KHDRBS2: variants seen among roughly 807,000 people sequenced by gnomAD.
KHDRBS2 encodes KH RNA binding domain containing, signal transduction associated 2, also known as KH domain-containing, RNA-binding, signal transduction-associated protein 2.
A neutral mutation model predicts 44.3 loss-of-function variants in KHDRBS2; 26 were observed. The observed-to-expected ratio is 0.59, with a 90% confidence interval of 0.43 to 0.81. The LOEUF (loss-of-function observed/expected upper bound fraction) is 0.81, where lower values mean the gene tolerates loss of function less well. Among genes scored for constraint, KHDRBS2 ranks in the 40% least tolerant of loss-of-function variants. The pLI is 0.00. For missense variants in KHDRBS2, 476 were observed against 433.1 expected (o/e 1.10, Z -0.88); for synonymous variants, 194 against 151.1 (o/e 1.28, Z -2.08).
chr6:61,679,331 C>T (rs1766115774), downstream of KHDRBS2, among the ~76,000 whole-genome samples: 1 of 151,842 alleles, frequency 6.6e-6, no homozygotes, highest in Admixed American at 6.6e-5. Flanking sequence ...TATATAATGT[C>T]AAATAATTTT....
chr6:61,992,049 G>A (rs1009241756), intron 3 of KHDRBS2, among the ~76,000 whole-genome samples: 1 of 152,174 alleles, frequency 6.6e-6, no homozygotes, highest in Non-Finnish European at 1.5e-5. Context: ...CTAGAATATA[G>A]CTGGTATCAG....
chr6:62,225,234 C>G (rs1333299618), intron 1 of KHDRBS2, among the ~76,000 whole-genome samples: 9 of 152,144 alleles, frequency 5.9e-5, no homozygotes, highest in Admixed American at 2.0e-4. Flanking sequence ...GGAGGGTTCA[C>G]TTATCCCACT....
intron 6 of KHDRBS2, among the ~76,000 whole-genome samples, chr6:61,885,953 T>G (rs1800886801): frequency 6.6e-6 from 1 of 152,074 alleles, no homozygotes; most frequent in African/African-American, 2.4e-5. Context: ...TTCTTACTCC[T>G]CCCAAATGCA....
chr6:61,816,828 A>G (rs1582989250), intron 6 of KHDRBS2: 3 of 390,030 alleles, frequency 7.7e-6, no homozygotes, highest in Non-Finnish European at 1.5e-5. Context: ...TTAATATTTT[A>G]GTGTGAAAAA....
chr6:61,788,780 T>C (rs1784200113), intron 6 of KHDRBS2, among the ~76,000 whole-genome samples: 1 of 151,202 alleles, frequency 6.6e-6, no homozygotes, highest in African/African-American at 2.4e-5. Flanking sequence ...ATAAAGAATA[T>C]GCCATTCCTA....
chr6:61,631,913 G>A, the KHDRBS2 span, among the ~76,000 whole-genome samples: 1 of 152,076 alleles, frequency 6.6e-6, no homozygotes, highest in Non-Finnish European at 1.5e-5. Flanking sequence ...CAATCCGCAA[G>A]AGCATCCAAC....
At chr6:61,822,276 C>A (rs1384686317) in intron 6 of KHDRBS2, among the ~76,000 whole-genome samples, 1 of 151,986 alleles carries the variant, frequency 6.6e-6, no homozygotes, top group East Asian at 1.9e-4. Context: ...TGTAGCCTAT[C>A]CCAGCAAATT....
intron 6 of KHDRBS2, among the ~76,000 whole-genome samples, chr6:61,808,683 AT>A (rs1431001553): frequency 1.3e-5 from 2 of 152,128 alleles, no homozygotes; most frequent in Non-Finnish European, 2.9e-5. Context: ...TACAGTCTTC[AT>A]TTCTGTATTT....
At chr6:62,115,654 C>T (rs1243584662) in intron 2 of KHDRBS2, among the ~76,000 whole-genome samples, 2 of 152,102 alleles carry the variant, frequency 1.3e-5, no homozygotes, top group East Asian at 3.9e-4. Flanking sequence ...TTTGGAAAAC[C>T]CAGAGACTAT....
At chr6:62,012,702 T>A (rs1780524340) in intron 3 of KHDRBS2, among the ~76,000 whole-genome samples, 1 of 152,136 alleles carries the variant, frequency 6.6e-6, no homozygotes, top group Non-Finnish European at 1.5e-5. Context: ...TGGCTTTTTG[T>A]GATTCAGCTT....
intron 6 of KHDRBS2, among the ~76,000 whole-genome samples, chr6:61,819,274 T>A (rs1789494263): frequency 6.6e-6 from 1 of 151,960 alleles, no homozygotes; most frequent in Non-Finnish European, 1.5e-5. Context: ...ATTCAGGAAA[T>A]AATTTTTACA....
chr6:61,932,059 T>C (rs920591351), intron 4 of KHDRBS2, among the ~76,000 whole-genome samples: 2 of 152,200 alleles, frequency 1.3e-5, no homozygotes, highest in African/African-American at 4.8e-5. Flanking sequence ...AATGTGTCAA[T>C]TGACATTTTT....
chr6:62,213,805 C>T (rs1285409832), intron 1 of KHDRBS2, among the ~76,000 whole-genome samples: 8 of 126,488 alleles, frequency 6.3e-5, no homozygotes, highest in Admixed American at 2.0e-4. Context: ...ACCCAGGAGG[C>T]GGAGCTTGCA....
chr6:61,562,991 C>T, the KHDRBS2 span, among the ~76,000 whole-genome samples: 1 of 152,064 alleles, frequency 6.6e-6, no homozygotes, highest in Non-Finnish European at 1.5e-5. Flanking sequence ...ATTACCTGTG[C>T]AGAACATACT....
chr6:61,899,510 T>A (rs966204721), intron 5 of KHDRBS2, among the ~76,000 whole-genome samples: 1 of 151,902 alleles, frequency 6.6e-6, no homozygotes, highest in Non-Finnish European at 1.5e-5. Context: ...AAATTTTTCT[T>A]CTAAGAAGAT....
At chr6:61,590,084 G>A in the KHDRBS2 span, among the ~76,000 whole-genome samples, 1 of 152,072 alleles carries the variant, frequency 6.6e-6, no homozygotes, top group African/African-American at 2.4e-5. Context: ...ATTAGATGAG[G>A]AAGCTCAATA....
chr6:61,557,164 G>T, the KHDRBS2 span, among the ~76,000 whole-genome samples: 1 of 152,056 alleles, frequency 6.6e-6, no homozygotes, highest in Non-Finnish European at 1.5e-5. Context: ...TCACACTAGT[G>T]CACCAGCACA....
chr6:61,723,911 C>A (rs1353329349), intron 7 of KHDRBS2, among the ~76,000 whole-genome samples: 1 of 152,156 alleles, frequency 6.6e-6, no homozygotes, highest in Non-Finnish European at 1.5e-5. Context: ...TCCAGAAGAA[C>A]TTCCCCAACC....
intron 1 of KHDRBS2, among the ~76,000 whole-genome samples, chr6:62,263,531 T>A (rs1838708691): frequency 6.6e-6 from 1 of 151,742 alleles, no homozygotes; most frequent in African/African-American, 2.4e-5. Context: ...TAATTCCCAC[T>A]AGAATAATTC....
Sources: gnomAD v4.1 joint callset for allele counts (sites outside exome capture counted in the v4.1 genomes callset) on GRCh38, gnomAD v4.1.1 for gene constraint, MANE v1.5 for transcripts, NCBI Gene and HGNC (gene_info 2026-07-23, HGNC 2026-07-21) for gene names.